DCC: variants seen among roughly 807,000 people sequenced by gnomAD.
DCC encodes netrin receptor DCC.
In DCC, 58 loss-of-function variants were observed where a neutral mutation model predicts 172.5. The observed-to-expected ratio is 0.34, with a 90% CI of 0.27 to 0.42. The LOEUF (loss-of-function observed/expected upper bound fraction) is 0.42. DCC is among the 10% of genes least tolerant of loss of function. The pLI, the probability that DCC is intolerant of heterozygous loss-of-function variation, is 1.00. For synonymous variants in DCC, 709 were observed against 644.5 expected, an observed-to-expected ratio of 1.10 and a Z score of -1.52; for missense variants, 1,740 against 1,791.0, an observed-to-expected ratio of 0.97 and a Z score of 0.51.
At chr18:52,898,933 G>A (rs760670470) in intron 2 of DCC, among the ~76,000 whole-genome samples, 24 of 152,136 alleles carry the variant, frequency 1.6e-4, no homozygotes, top group Non-Finnish European at 2.6e-4. Context: ...GGACAGTGAT[G>A]TGAAGGGAGG....
chr18:53,174,442 G>C (rs1234887883), intron 8 of DCC, among the ~76,000 whole-genome samples: 2 of 149,096 alleles, frequency 1.3e-5, no homozygotes, highest in African/African-American at 2.5e-5. Flanking sequence ...GACTAATAAA[G>C]AAAAAAAGAG....
chr18:52,526,480 G>A (rs1484164971), intron 1 of DCC, among the ~76,000 whole-genome samples: 1 of 151,518 alleles, frequency 6.6e-6, no homozygotes, highest in African/African-American at 2.4e-5. Context: ...ATCTTTAAGA[G>A]GTTTCTGAGG....
chr18:53,135,190 C>T (rs758768505), intron 7 of DCC, among the ~76,000 whole-genome samples: 4 of 152,076 alleles, frequency 2.6e-5, no homozygotes, highest in Non-Finnish European at 2.9e-5. Context: ...CTATGCCGCT[C>T]TCTTGGTTTC....
intron 1 of DCC, among the ~76,000 whole-genome samples, chr18:52,597,963 G>A (rs1598943848): frequency 6.6e-6 from 1 of 152,072 alleles, no homozygotes; most frequent in East Asian, 1.9e-4. Context: ...ATTTTGTTTT[G>A]ATTTATTGTT....
At chr18:53,216,016 C>G (rs2055841054) in intron 12 of DCC, among the ~76,000 whole-genome samples, 2 of 152,114 alleles carry the variant, frequency 1.3e-5, no homozygotes, top group African/African-American at 4.8e-5. Flanking sequence ...AATATTTCGT[C>G]ATCATCCCCA....
At chr18:53,398,848 A>G (rs1044821438) in intron 18 of DCC, among the ~76,000 whole-genome samples, 1 of 152,174 alleles carries the variant, frequency 6.6e-6, no homozygotes, top group African/African-American at 2.4e-5. Flanking sequence ...ACAAAGGTGT[A>G]AATAGCACAT....
chr18:53,184,035 A>T (rs2055241268), intron 9 of DCC, among the ~76,000 whole-genome samples: 1 of 151,392 alleles, frequency 6.6e-6, no homozygotes, highest in Non-Finnish European at 1.5e-5. Context: ...CCCTGATCCA[A>T]CGGGATCAAA....
chr18:53,401,695 C>G (rs774196159), intron 18 of DCC, among the ~76,000 whole-genome samples: 13 of 152,056 alleles, frequency 8.5e-5, no homozygotes, highest in Admixed American at 2.6e-4. Context: ...ACACGGAACC[C>G]AATACGTTCT....
At chr18:52,603,634 C>A (rs1380616482) in intron 1 of DCC, among the ~76,000 whole-genome samples, 1 of 147,800 alleles carries the variant, frequency 6.8e-6, no homozygotes, top group Non-Finnish European at 1.5e-5. Flanking sequence ...ACAGTTTATT[C>A]TCTTAAAACA....
chr18:52,448,466 T>C (rs1389809694), intron 1 of DCC, among the ~76,000 whole-genome samples: 3 of 152,184 alleles, frequency 2.0e-5, no homozygotes, highest in Non-Finnish European at 4.4e-5. Context: ...TATAGAGTTT[T>C]TTTTTTAATT....
chr18:53,260,722 T>C (rs928676888), intron 12 of DCC, among the ~76,000 whole-genome samples: 1 of 152,184 alleles, frequency 6.6e-6, no homozygotes, highest in Non-Finnish European at 1.5e-5. Context: ...CACTACTCTC[T>C]TCAAAGCTGT....
At chr18:53,469,945 G>T (rs1224426377) in intron 25 of DCC, among the ~76,000 whole-genome samples, 2 of 152,076 alleles carry the variant, frequency 1.3e-5, no homozygotes, top group Admixed American at 6.6e-5. Context: ...GTTGACATAG[G>T]TTCTCACTTA....
chr18:52,379,120 G>A (rs1169800522), intron 1 of DCC, among the ~76,000 whole-genome samples: 1 of 152,240 alleles, frequency 6.6e-6, no homozygotes, highest in South Asian at 2.1e-4. Context: ...CACGGGAAAT[G>A]TGATGTTTCA....
chr18:53,292,357 T>G (rs2057015532), intron 12 of DCC, among the ~76,000 whole-genome samples: 1 of 152,124 alleles, frequency 6.6e-6, no homozygotes, highest in Non-Finnish European at 1.5e-5. Context: ...TTTCTATGGG[T>G]CATTCATCTG....
intron 1 of DCC, among the ~76,000 whole-genome samples, chr18:52,631,789 A>G (rs1333518722): frequency 1.3e-5 from 2 of 152,198 alleles, no homozygotes; most frequent in Admixed American, 1.3e-4. Context: ...ATGTCTGACT[A>G]TATTGATTGG....
intron 8 of DCC, among the ~76,000 whole-genome samples, chr18:53,159,540 C>T (rs981181445): frequency 6.6e-6 from 1 of 152,152 alleles, no homozygotes; most frequent in Non-Finnish European, 1.5e-5. Context: ...TTTGATCACT[C>T]ACTCCACTGC....
At chr18:53,460,851 G>A (rs187716059) in intron 24 of DCC, among the ~76,000 whole-genome samples, 7,457 of 152,156 alleles carry the variant, frequency 0.049, 242 homozygotes, top group Non-Finnish European at 0.065. Flanking sequence ...CTGAGGAATC[G>A]CCACACTGAC....
At chr18:53,113,969 T>C (rs182790480) in intron 7 of DCC, among the ~76,000 whole-genome samples, 5 of 151,670 alleles carry the variant, frequency 3.3e-5, no homozygotes, top group Admixed American at 3.3e-4. Flanking sequence ...CTGAATTTTC[T>C]GAAGCTTTCA....
chr18:52,665,631 G>A (rs7242423), intron 1 of DCC, among the ~76,000 whole-genome samples: 144,541 of 152,214 alleles, frequency 0.95, 68,665 homozygotes, highest in Middle Eastern at 0.97. Context: ...TCAGTGATGC[G>A]ACATTATTGA....
Sources: gnomAD v4.1 joint callset for allele counts (sites outside exome capture counted in the v4.1 genomes callset) on GRCh38, gnomAD v4.1.1 for gene constraint, MANE v1.5 for transcripts, NCBI Gene and HGNC (gene_info 2026-07-23, HGNC 2026-07-21) for gene names.